The following HEATR5B variants were observed in gnomAD, a reference collection of about 807,000 sequenced individuals.
The protein encoded by HEATR5B is HEAT repeat-containing protein 5B.
A neutral mutation model predicts 224.1 loss-of-function variants in HEATR5B; 156 were observed. That is an observed-to-expected ratio of 0.70 (90% CI 0.61 to 0.80). HEATR5B has a LOEUF of 0.80. HEATR5B is among the 30% of genes least tolerant of loss of function. The pLI is 0.00. For missense variants in HEATR5B, 2,323 were observed against 2,535.5 expected (o/e 0.92, Z 1.80); for synonymous variants, 1,027 against 893.0 (o/e 1.15, Z -2.68).
At chr2:37,061,186 G>A (rs1370864663) in intron 11 of HEATR5B, among the ~76,000 whole-genome samples, 1 of 152,116 alleles carries the variant, frequency 6.6e-6, no homozygotes, top group Non-Finnish European at 1.5e-5. Flanking sequence ...GGCAATTTAT[G>A]TGGTTAATTT....
chr2:36,990,697 T>G lies in HEATR5B; in HGVS notation c.5648A>C (p.Asn1883Thr). 1 of 1,610,978 alleles carries G rather than the reference T, an allele frequency of 6.2e-7. No homozygotes were observed. The highest frequency in any genetic ancestry group is 1.1e-5 in the South Asian group (1 of 90,380). The change falls in exon 34 of 36, where the codon AAT becomes ACT. Residue 1883 changes from asparagine to threonine, a missense_variant. Physicochemically the swap from Asn to Thr is moderately conservative, Grantham distance 65. Coordinates refer to ENST00000233099, the MANE Select transcript of HEATR5B (RefSeq NM_019024.3). ...ATTTTTAAATCTGTTCATGCAGCCA[T>G]TCTGTAATGACTGGACTCCTATTAT... The part of the protein sequence containing the change: ...NEIIGVQSLQ[N>T]GCMNRFKNAL...
chr2:37,012,932 G>A (rs2148412767), intron 27 of HEATR5B, among the ~76,000 whole-genome samples: 1 of 152,270 alleles, frequency 6.6e-6, no homozygotes, highest in East Asian at 1.9e-4. Flanking sequence ...TTTCTCCTGT[G>A]ATAATGCTCC....
intron 32 of HEATR5B, among the ~76,000 whole-genome samples, chr2:37,002,077 T>C (rs1483971498): frequency 6.6e-6 from 1 of 152,226 alleles, no homozygotes. Flanking sequence ...TGTAGTTCCA[T>C]GTCTTATTTG....
intron 35 of HEATR5B, among the ~76,000 whole-genome samples, chr2:36,986,123 A>G (rs972558726): frequency 1.3e-5 from 2 of 152,204 alleles, no homozygotes; most frequent in African/African-American, 4.8e-5. Context: ...GGGATTACAA[A>G]GTGAGTAAGA....
chr2:37,080,762 GA>G (rs1463519377), intron 2 of HEATR5B, among the ~76,000 whole-genome samples: 1 of 151,158 alleles, frequency 6.6e-6, no homozygotes, highest in Non-Finnish European at 1.5e-5. Context: ...ATCACTGAAG[GA>G]ATATGTACAG....
At chr2:37,074,848 T>C (rs150220431) in intron 5 of HEATR5B, among the ~76,000 whole-genome samples, 95 of 152,262 alleles carry the variant, frequency 6.2e-4, no homozygotes, top group African/African-American at 1.8e-3. Flanking sequence ...TGAGATACCA[T>C]TGAGATATGA....
chr2:37,048,471 T>C (rs953230801), intron 18 of HEATR5B, among the ~76,000 whole-genome samples: 3 of 151,590 alleles, frequency 2.0e-5, no homozygotes, highest in Non-Finnish European at 4.4e-5. Context: ...AGGCAAAAGA[T>C]AACGCGCCCA....
chr2:37,072,462 G>A (rs563012038), intron 5 of HEATR5B, among the ~76,000 whole-genome samples, 181 bp from the exon 6 acceptor site: 2 of 152,246 alleles, frequency 1.3e-5, no homozygotes, highest in South Asian at 4.1e-4. Flanking sequence ...AAAAAAACAA[G>A]ATGAACCCTA....
chr2:37,027,993 C>T lies in HEATR5B; in HGVS notation c.3783G>A (p.Leu1261=). The T allele has an allele frequency of 1.2e-6, 2 of 1,614,140 alleles. No homozygotes were observed. The highest frequency in any genetic ancestry group is 1.7e-6 in the Non-Finnish European group (2 of 1,179,996). The change falls in exon 24 of 36, where the codon TTG becomes TTA. Residue 1261 remains leucine (L), a synonymous_variant. Coordinates refer to ENST00000233099, the MANE Select transcript of HEATR5B (RefSeq NM_019024.3). ...AADCLCRIIN[L]CENADQAHFD... ...AGTGAGCCTGGTCTGCATTCTCACA[C>T]AAATTGATGATTCGACACAGGCAAT...
At chr2:37,018,959 A>C (rs1170742462) in intron 26 of HEATR5B, among the ~76,000 whole-genome samples, 1 of 152,104 alleles carries the variant, frequency 6.6e-6, no homozygotes, top group Non-Finnish European at 1.5e-5. Context: ...CAGGGGTTTG[A>C]GACCAGCCTG....
rs150698431 is a variant in HEATR5B at position 36,994,751 on chromosome 2, T to G, written c.5546-3952A>C. Among the ~76,000 whole-genome samples the G allele has an allele frequency of 6.1e-3, 935 of 152,134 alleles. 8 individuals carry two copies. Among genetic ancestry groups the G allele is most frequent in the African/African-American group, 0.021 (885 of 41,500 alleles). On this transcript the variant is annotated intron_variant, in intron 33 of 35. Transcript: ENST00000233099. Reference sequence around the variant, plus strand: ...TTAAATTAATTATTTTAAAACAAATTCTTATTTATTTATTTTTTGAGACAG... The same window carrying G: ...TTAAATTAATTATTTTAAAACAAATGCTTATTTATTTATTTTTTGAGACAG...
chr2:37,068,929 G>A lies in HEATR5B; in HGVS notation c.929C>T (p.Ala310Val), dbSNP rs555474238. 6 of 1,608,798 alleles carry A rather than the reference G, an allele frequency of 3.7e-6. No individual in the cohort carries two copies. Among genetic ancestry groups the A allele is most frequent in the African/African-American group, 2.7e-5 (2 of 74,904 alleles). The change falls in exon 8 of 36, where the codon GCG (alanine) becomes GTG (valine). Residue 310 changes from alanine (A) to valine (V), a missense_variant and splice_region_variant. Coordinates refer to ENST00000233099, the MANE Select transcript of HEATR5B (RefSeq NM_019024.3). The part of the protein sequence containing the change: ...NREVRVGVTQ[A>V]YVVFVTTLGG... ...CAATGTTGTCACAAAAACAACATAC[G>A]CCTGTAAAAAGAGGAAGGTACGACT...
chr2:37,029,870 C>T (rs1325606875), intron 22 of HEATR5B, among the ~76,000 whole-genome samples: 2 of 151,502 alleles, frequency 1.3e-5, no homozygotes, highest in Non-Finnish European at 2.9e-5. Flanking sequence ...ACCTGGGAGG[C>T]GGAGGTTGCA....
At chr2:37,009,752 C>G (rs1409360238) in intron 27 of HEATR5B, among the ~76,000 whole-genome samples, 4 of 149,640 alleles carry the variant, frequency 2.7e-5, no homozygotes, top group African/African-American at 9.8e-5. Context: ...TTCCCTCATT[C>G]TACTTTACAA....
intron 35 of HEATR5B, among the ~76,000 whole-genome samples, chr2:36,983,536 T>C (rs573853627): frequency 6.6e-6 from 1 of 151,366 alleles, no homozygotes; most frequent in South Asian, 2.1e-4. Flanking sequence ...CGAAACTCTG[T>C]CTCAAAAAAC....
At chr2:36,998,955 C>T (rs1182588902) in intron 33 of HEATR5B, among the ~76,000 whole-genome samples, 4 of 151,984 alleles carry the variant, frequency 2.6e-5, no homozygotes, top group Admixed American at 1.3e-4. Flanking sequence ...TGGCTCACAC[C>T]CGTAATCCCA....
At chr2:37,047,625 C>T (rs1387397448) in intron 18 of HEATR5B, among the ~76,000 whole-genome samples, 2 of 152,188 alleles carry the variant, frequency 1.3e-5, no homozygotes, top group African/African-American at 2.4e-5. Context: ...ATTGAAGGTA[C>T]TCCCTATTAA....
Position 37,070,213 on chromosome 2 carries a change from A to G in HEATR5B, c.927+17T>C. 1 of 1,613,596 alleles carries G rather than the reference A, an allele frequency of 6.2e-7. No homozygotes were observed. Among genetic ancestry groups the G allele is most frequent in the Non-Finnish European group, 8.5e-7 (1 of 1,179,686 alleles). On this transcript the variant is annotated intron_variant, in intron 7 of 35. Coordinates refer to ENST00000233099, the MANE Select transcript of HEATR5B (RefSeq NM_019024.3). Reference sequence around the variant, plus strand: ...CCGTGCCTGGCCAAAATTCTTTCACACATACGTGTTACAAACCTGCGTAAC... The same window carrying G: ...CCGTGCCTGGCCAAAATTCTTTCACGCATACGTGTTACAAACCTGCGTAAC...
chr2:37,001,152 T>C (rs1667063395), intron 32 of HEATR5B, among the ~76,000 whole-genome samples: 2 of 152,182 alleles, frequency 1.3e-5, no homozygotes, highest in South Asian at 2.1e-4. Flanking sequence ...CACCAGATAC[T>C]GTGGGAAGCA....
Sources: allele counts gnomAD v4.1 joint callset (sites outside exome capture counted in the v4.1 genomes callset), GRCh38; gene constraint gnomAD v4.1.1; transcripts MANE v1.5; gene names NCBI Gene and HGNC (gene_info 2026-07-23, HGNC 2026-07-21).